The following SEMA5A variants were observed in gnomAD, a reference collection of about 807,000 sequenced individuals.
SEMA5A encodes the protein semaphorin 5A, also known as semaphorin-5A.
Under a neutral mutation model 135.5 loss-of-function variants are expected in SEMA5A, and 55 were observed. The ratio of observed to expected loss-of-function variants is 0.41; its 90% CI spans 0.33 to 0.51. The LOEUF (loss-of-function observed/expected upper bound fraction) is 0.51. SEMA5A is among the 20% of genes least tolerant of loss of function. The probability of loss-of-function intolerance (pLI) is 0.37; values close to 1 mark genes in which losing one functional copy is unlikely to be tolerated. For synonymous variants in SEMA5A, 580 were observed against 546.5 expected (o/e 1.06, Z -0.85); for missense variants, 1,290 against 1,419.9 (o/e 0.91, Z 1.47).
chr5:9,217,627 G>A (rs778026151), intron 8 of SEMA5A, among the ~76,000 whole-genome samples: 64 of 152,154 alleles, frequency 4.2e-4, no homozygotes, highest in Admixed American at 1.2e-3. Context: ...CAGGGATGCC[G>A]AGGATTCATA....
chr5:9,350,327 TG>T (rs1325236481), intron 3 of SEMA5A, among the ~76,000 whole-genome samples: 1 of 152,158 alleles, frequency 6.6e-6, no homozygotes, highest in Non-Finnish European at 1.5e-5. Flanking sequence ...TATTCATAAG[TG>T]AGTAGTTTAA....
At chr5:9,181,500 G>A (rs1397390112) in intron 11 of SEMA5A, among the ~76,000 whole-genome samples, 2 of 151,762 alleles carry the variant, frequency 1.3e-5, no homozygotes, top group Admixed American at 6.6e-5. Context: ...CAGCCCCCCT[G>A]GCACCCCACC....
chr5:9,360,071 C>T (rs1359596831), intron 3 of SEMA5A, among the ~76,000 whole-genome samples: 1 of 152,200 alleles, frequency 6.6e-6, no homozygotes, highest in South Asian at 2.1e-4. Context: ...CATTATCTCT[C>T]AGCAATAGCC....
chr5:9,053,664 G>T (rs994711130), intron 19 of SEMA5A, among the ~76,000 whole-genome samples: 1 of 152,110 alleles, frequency 6.6e-6, no homozygotes, highest in Non-Finnish European at 1.5e-5. Flanking sequence ...TCCATGGGGG[G>T]CACTAAAAAT....
At chr5:9,090,177 G>C (rs777390019) in intron 16 of SEMA5A, among the ~76,000 whole-genome samples, 25 of 152,150 alleles carry the variant, frequency 1.6e-4, no homozygotes, top group Admixed American at 1.4e-3. Context: ...AGGGCTCTCT[G>C]TGCCCAGGTG....
In SEMA5A at chr5:9,258,620, C is replaced by A. The variant is rs187068286; in HGVS notation, c.271-20730G>T. Among the ~76,000 whole-genome samples, 156 of 152,162 alleles carry A rather than the reference C, an allele frequency of 1.0e-3. 1 individual carries two copies. The highest frequency in any genetic ancestry group is 0.01 in the Middle Eastern group (3 of 294). On this transcript the variant is annotated intron_variant, in intron 5 of 22. Coordinates refer to ENST00000382496, the MANE Select transcript of SEMA5A (RefSeq NM_003966.3). The stretch of plus-strand genomic sequence containing the variant: ...GAGATTTACTCAAGTCTTTTTATTT[C>A]CCTATCCCTCATTTTTCCTCATTGC...
At chr5:9,477,354 T>C (rs754482133) in intron 1 of SEMA5A, among the ~76,000 whole-genome samples, 2 of 152,088 alleles carry the variant, frequency 1.3e-5, no homozygotes, top group Non-Finnish European at 2.9e-5. Context: ...TACCTAAAAA[T>C]GTGGAAGCAA....
intron 14 of SEMA5A, among the ~76,000 whole-genome samples, chr5:9,120,177 A>T (rs1740737068): frequency 6.6e-6 from 1 of 152,102 alleles, no homozygotes; most frequent in South Asian, 2.1e-4. Context: ...TTACTTCTGC[A>T]ATCACATATG....
rs116134082 is a variant in SEMA5A at position 9,347,854 on chromosome 5, G to T, written c.125-10042C>A. ...TAAACATATTTTTCCTTGGTATTTT[G>T]AGAGAAATCTTAGGAAGCAAAATTT... On this transcript the variant is annotated intron_variant, in intron 3 of 22. Coordinates refer to ENST00000382496, the MANE Select transcript of SEMA5A (RefSeq NM_003966.3). 6.3e-3 allele frequency among the ~76,000 whole-genome samples: 959 copies of T among 152,238 alleles called. 8 individuals are homozygous for T. The highest frequency in any genetic ancestry group is 0.022 in the African/African-American group (917 of 41,544).
chr5:9,323,770 T>C (rs1752740154), intron 4 of SEMA5A, among the ~76,000 whole-genome samples: 1 of 149,040 alleles, frequency 6.7e-6, no homozygotes, highest in Admixed American at 6.7e-5. Context: ...CATGCAATTC[T>C]CCTGCCTCAG....
intron 13 of SEMA5A, among the ~76,000 whole-genome samples, chr5:9,130,291 TA>T (rs1453596763): frequency 6.6e-6 from 1 of 152,208 alleles, no homozygotes; most frequent in Non-Finnish European, 1.5e-5. Flanking sequence ...TCTATTCTGA[TA>T]TTTTTTCAAA....
chr5:9,183,477 A>C (rs1744636471), intron 11 of SEMA5A, among the ~76,000 whole-genome samples: 1 of 152,100 alleles, frequency 6.6e-6, no homozygotes, highest in Admixed American at 6.5e-5. Context: ...AGCGCCACAG[A>C]CGCCTGACCA....
intron 5 of SEMA5A, among the ~76,000 whole-genome samples, chr5:9,301,456 A>T (rs1751606310): frequency 6.6e-6 from 1 of 152,226 alleles, no homozygotes; most frequent in Non-Finnish European, 1.5e-5. Context: ...CGCCAAAAAC[A>T]AAAGCACAGA....
intron 16 of SEMA5A, among the ~76,000 whole-genome samples, chr5:9,082,426 T>G (rs1314053515): frequency 6.6e-6 from 1 of 152,180 alleles, no homozygotes; most frequent in African/African-American, 2.4e-5. Flanking sequence ...TTAGGGTTGA[T>G]GTCTTGAAAA....
At chr5:9,050,516 T>A in intron 20 of SEMA5A, 59 bp from the exon 21 acceptor site, 1 of 1,338,790 alleles carries the variant, frequency 7.5e-7, no homozygotes. Flanking sequence ...CAGTCCACAT[T>A]CATGCTTCAT....
At chr5:9,105,579 G>T (rs1372149714) in intron 16 of SEMA5A, among the ~76,000 whole-genome samples, 1 of 152,068 alleles carries the variant, frequency 6.6e-6, no homozygotes, top group Non-Finnish European at 1.5e-5. Flanking sequence ...AACAATTAAA[G>T]AAATGAGACT....
intron 7 of SEMA5A, among the ~76,000 whole-genome samples, chr5:9,225,617 C>A (rs1747264785): frequency 1.3e-5 from 2 of 150,130 alleles, no homozygotes; most frequent in African/African-American, 2.5e-5. Flanking sequence ...ATAAGTGAAG[C>A]AAAATATAAT....
intron 5 of SEMA5A, among the ~76,000 whole-genome samples, chr5:9,295,821 T>C (rs1459730572): frequency 6.6e-6 from 1 of 152,248 alleles, no homozygotes; most frequent in African/African-American, 2.4e-5. Context: ...CATCATTATA[T>C]GCATAAGATT....
At chr5:9,287,752 C>T (rs1323919508) in intron 5 of SEMA5A, among the ~76,000 whole-genome samples, 1 of 152,170 alleles carries the variant, frequency 6.6e-6, no homozygotes, top group Non-Finnish European at 1.5e-5. Flanking sequence ...GTTGATGAGC[C>T]ATACCAGAGA....
Sources: gnomAD v4.1 joint callset for allele counts (sites outside exome capture counted in the v4.1 genomes callset) on GRCh38, gnomAD v4.1.1 for gene constraint, MANE v1.5 for transcripts, NCBI Gene and HGNC (gene_info 2026-07-23, HGNC 2026-07-21) for gene names.